GSTM5: variants seen among roughly 807,000 people sequenced by gnomAD.
GSTM5 encodes the protein glutathione S-transferase mu 5.
In GSTM5, 24 loss-of-function variants were observed where a neutral mutation model predicts 29.0. The observed-to-expected ratio is 0.83, with a 90% CI of 0.60 to 1.16. GSTM5 has a LOEUF of 1.16. Among genes scored for constraint, GSTM5 ranks in the 50% most tolerant of loss-of-function variants. The probability of loss-of-function intolerance (pLI) is 0.00; values close to 1 mark genes in which losing one functional copy is unlikely to be tolerated. For missense variants in GSTM5, 290 were observed against 263.0 expected (o/e 1.10, Z -0.71); for synonymous variants, 91 against 93.6 (o/e 0.97, Z 0.16).
chr1:109,712,168 G>A, upstream of GSTM5: 1 of 881,314 alleles, frequency 1.1e-6, no homozygotes, highest in South Asian at 1.3e-5. Flanking sequence ...GCTCGCTCGG[G>A]GGCCTACAGA....
At position 109,717,328 on chromosome 1, in the gene GSTM5, C is replaced by G; in HGVS notation, c.568-9C>G. Reference sequence around the variant, plus strand: ...AGACCTGGCTCTGGCCCCTTCTTCCCGCCCTCAGGGTTTGAAGAAGATCTC... The same window carrying G: ...AGACCTGGCTCTGGCCCCTTCTTCCGGCCCTCAGGGTTTGAAGAAGATCTC... On this transcript the variant is annotated splice_polypyrimidine_tract_variant and intron_variant, in intron 7 of 7. Coordinates refer to ENST00000256593, the MANE Select transcript of GSTM5 (RefSeq NM_000851.4). 6.2e-7 allele frequency: 1 copy of G among 1,609,726 alleles called. No homozygotes were observed. The highest frequency in any genetic ancestry group is 1.7e-5 in the Admixed American group (1 of 59,992).
At chr1:109,712,207 G>C, upstream of GSTM5, 3 of 1,248,300 alleles carry the variant, frequency 2.4e-6, no homozygotes, top group Non-Finnish European at 2.3e-6. Flanking sequence ...GTGGCGGGCC[G>C]AGGGGCGGGG....
chr1:109,715,212 A>C lies in GSTM5; in HGVS notation c.539A>C (p.Asn180Thr). The stretch of plus-strand genomic sequence containing the variant: ...CCCAAGTGCTTGGACGCCTTCCTAA[A>C]CTTGAAGGACTTCATCTCCCGCTTT... ...FEPKCLDAFLNLKDFISRFEG... is the reference protein window; with the variant it reads ...FEPKCLDAFLTLKDFISRFEG... Residue 180 changes from asparagine to threonine, a missense_variant, in exon 7 of 8, where the codon AAC becomes ACC. Coordinates refer to ENST00000256593, the MANE Select transcript of GSTM5 (RefSeq NM_000851.4). 6.2e-7 allele frequency: 1 copy of C among 1,614,150 alleles called. No homozygotes were observed. Among genetic ancestry groups the C allele is most frequent in the Non-Finnish European group, 8.5e-7 (1 of 1,180,024 alleles).
chr1:109,716,541 T>C (rs138921077), intron 7 of GSTM5: 121 of 152,960 alleles, frequency 7.9e-4, no homozygotes, highest in Non-Finnish European at 1.3e-3. Context: ...CTAGCAGTAG[T>C]AGGGCTGGAG....
Position 109,715,233 on chromosome 1 carries a change from G to C in GSTM5, c.560G>C (p.Arg187Pro). Residue 187 changes from arginine to proline, a missense_variant, in exon 7 of 8, where the codon CGC becomes CCC. Physicochemically the swap from Arg to Pro is moderately radical, Grantham distance 103. Coordinates refer to ENST00000256593, the MANE Select transcript of GSTM5 (RefSeq NM_000851.4). ...CTAAACTTGAAGGACTTCATCTCCC[G>C]CTTTGAGGTGATGCCCCCATCCTCC... ...AFLNLKDFIS[R>P]FEGLKKISAY... The C allele has an allele frequency of 6.2e-7, 1 of 1,614,162 alleles. No individual in the cohort carries two copies. The highest frequency in any genetic ancestry group is 2.2e-5 in the East Asian group (1 of 44,884).
chr1:109,712,734 G>A (rs1648603399), intron 2 of GSTM5, 41 bp downstream of exon 2: 6 of 1,610,170 alleles, frequency 3.7e-6, no homozygotes, highest in South Asian at 1.1e-5. Flanking sequence ...CACTCACGCT[G>A]AGTTGGCACC....
intron 2 of GSTM5, 36 bp downstream of exon 2, chr1:109,712,729 A>C (rs761764699): frequency 3.1e-6 from 5 of 1,611,174 alleles, no homozygotes; most frequent in Non-Finnish European, 4.2e-6. Context: ...CTGCCCACTC[A>C]CGCTGAGTTG....
chr1:109,715,918 C>T, intron 7 of GSTM5: 1 of 774,112 alleles, frequency 1.3e-6, no homozygotes, highest in Non-Finnish European at 2.1e-6. Context: ...TTTTTCCCTC[C>T]AATGTTCCAC....
chr1:109,717,518 C>T lies in GSTM5; in HGVS notation c.*92C>T, dbSNP rs940284647. On this transcript the variant is annotated 3_prime_UTR_variant, in exon 8 of 8. Coordinates refer to ENST00000256593, the MANE Select transcript of GSTM5 (RefSeq NM_000851.4). ...CTGACTCCCTGGACCTGCCTTCTTCCTTTTTCCTTCTTTCTACTCTCTTCT... is the reference window on the plus strand; with the variant it reads ...CTGACTCCCTGGACCTGCCTTCTTCTTTTTTCCTTCTTTCTACTCTCTTCT... 1 of 853,094 alleles carries T rather than the reference C, an allele frequency of 1.2e-6. No homozygotes were observed. The highest frequency in any genetic ancestry group is 2.0e-6 in the Non-Finnish European group (1 of 496,782). 52.8% of individuals were successfully genotyped at this position (853,094 alleles called of 1,614,324 possible).
At chr1:109,716,369 C>T (rs1034887568) in intron 7 of GSTM5, 8 of 159,484 alleles carry the variant, frequency 5.0e-5, no homozygotes, top group Admixed American at 1.9e-4. Context: ...GGGAGGGGAG[C>T]GGTGGGGAAC....
intron 7 of GSTM5, chr1:109,715,464 A>G (rs976682197): frequency 1.3e-6 from 2 of 1,515,572 alleles, no homozygotes; most frequent in Non-Finnish European, 1.8e-6. Context: ...AGATAAGAAA[A>G]CTGAGAATGA....
intron 5 of GSTM5, chr1:109,714,616 T>G (rs549016006): frequency 2.8e-6 from 1 of 361,662 alleles, no homozygotes; most frequent in Admixed American, 4.3e-5. Flanking sequence ...CTCCTTTAGT[T>G]CTTTGCATCC....
intron 7 of GSTM5, chr1:109,716,105 A>C (rs1648737421): frequency 2.9e-6 from 1 of 345,476 alleles, no homozygotes; most frequent in Non-Finnish European, 5.6e-6. Context: ...GTGTGGCACC[A>C]CCTGGGTACC....
intron 7 of GSTM5, 136 bp from the exon 8 acceptor site, chr1:109,717,201 G>A: frequency 4.6e-6 from 3 of 657,094 alleles, no homozygotes; most frequent in Non-Finnish European, 8.3e-6. Flanking sequence ...GGACCTAAGA[G>A]ACCGTGTGAT....
chr1:109,713,561 C>T lies in GSTM5; in HGVS notation c.255C>T (p.Asn85=). The change falls in exon 4 of 8, where the codon AAC becomes AAT. Residue 85 remains asparagine (N), a synonymous_variant. Coordinates refer to ENST00000256593, the MANE Select transcript of GSTM5 (RefSeq NM_000851.4). ...AILRYIARKH[N]LCGETEEEKI... is the part of the protein sequence containing the mutation. ...TGCGCTACATTGCCCGCAAGCACAA[C>T]CTGTGTGAGTGTGGGTGGCTGCAAT... The T allele has an allele frequency of 6.2e-7, 1 of 1,614,210 alleles. No homozygotes were observed. The highest frequency in any genetic ancestry group is 8.5e-7 in the Non-Finnish European group (1 of 1,180,040).
At chr1:109,713,801 C>A (rs758551186) in intron 5 of GSTM5, 40 bp downstream of exon 5, 2 of 1,575,678 alleles carry the variant, frequency 1.3e-6, no homozygotes. Context: ...CATTTCCCTG[C>A]CTTTTGGCCC....
Position 109,715,393 on chromosome 1 carries a change from G to T in GSTM5, c.567+153G>T, listed in dbSNP as rs563601501. The T allele has an allele frequency of 1.9e-6, 3 of 1,565,704 alleles. No individual in the cohort carries two copies. The South Asian group carries it at 3.5e-5, about 18-fold the overall frequency. ...TCATGCCCAGCACATTATACCTATC[G>T]TGTAGAATTTGAAATTTCCAACATT... On this transcript the variant is annotated intron_variant, in intron 7 of 7. Coordinates refer to ENST00000256593, the MANE Select transcript of GSTM5 (RefSeq NM_000851.4).
intron 6 of GSTM5, 41 bp from the exon 7 acceptor site, chr1:109,715,089 G>A (rs1174054090): frequency 6.2e-7 from 1 of 1,614,112 alleles, no homozygotes; most frequent in Admixed American, 1.7e-5. Flanking sequence ...TACTTCATGT[G>A]TTTCGGGGTT....
Position 109,713,477 on chromosome 1 carries a change from T to C in GSTM5, c.178-7T>C, listed in dbSNP as rs779725469. ...AACTGAGCTTCCCCGGTTTCCCATC[T>C]ATCCAGCTGCCCTACTTGATTGATG... On this transcript the variant is annotated splice_polypyrimidine_tract_variant and splice_region_variant and intron_variant, in intron 3 of 7. Coordinates refer to ENST00000256593, the MANE Select transcript of GSTM5 (RefSeq NM_000851.4). The C allele has an allele frequency of 1.5e-5, 25 of 1,614,114 alleles. No individual in the cohort carries two copies. In the East Asian group the frequency reaches 2.5e-4, roughly 16 times the overall value.
Sources: gnomAD v4.1 joint callset for allele counts on GRCh38, gnomAD v4.1.1 for gene constraint, MANE v1.5 for transcripts, NCBI Gene and HGNC (gene_info 2026-07-23, HGNC 2026-07-21) for gene names.